The following MAD1L1 variants were observed in gnomAD, a reference collection of about 807,000 sequenced individuals.
MAD1L1 encodes the protein mitotic spindle assembly checkpoint protein MAD1.
MAD1L1 carries 95 observed loss-of-function variants against 96.9 expected under a neutral mutation model. The ratio of observed to expected loss-of-function variants is 0.98; its 90% CI spans 0.83 to 1.16. MAD1L1 has a LOEUF of 1.16. Ranked by LOEUF, MAD1L1 falls within the 50% of genes most tolerant of loss-of-function variation. The pLI is 0.00. For missense variants in MAD1L1, 1,007 were observed against 954.4 expected, an observed-to-expected ratio of 1.06 and a Z score of -0.73; for synonymous variants, 473 against 396.6, an observed-to-expected ratio of 1.19 and a Z score of -2.29.
At chr7:1,938,901 GCGCACA>G (rs1273681572) in intron 16 of MAD1L1, among the ~76,000 whole-genome samples, 32 of 61,316 alleles carry the variant, frequency 5.2e-4, no homozygotes, top group Non-Finnish European at 7.3e-4. Context: ...GGCCAGAGGC[GCGCACA>G]CACACACACA....
At chr7:2,204,172 C>T (rs1792464042) in intron 10 of MAD1L1, among the ~76,000 whole-genome samples, 2 of 152,194 alleles carry the variant, frequency 1.3e-5, no homozygotes, top group Non-Finnish European at 2.9e-5. Context: ...TGGCCGTAGG[C>T]CTTCCATAAA....
rs749256527 is a variant in MAD1L1, at chr7:1,898,294, G to A, written c.1904C>T (p.Thr635Met). 12 of 1,614,004 alleles carry A rather than the reference G, an allele frequency of 7.4e-6. No individual in the cohort carries two copies. In the African/African-American group the frequency reaches 8.0e-5, roughly 11 times the overall value. ...KIQEFRKACY[T>M]LTGYQIDITT... ...GATGTCGATCTGGTAGCCGGTGAGC[G>A]TGTAGCAGGCCTTGCGGAACTCCTG... Residue 635 changes from threonine (T) to methionine (M), a missense_variant, in exon 18 of 19, where the codon ACG becomes ATG. By Grantham distance (81) the Thr-to-Met change is moderately conservative (BLOSUM62 -1). Transcript: ENST00000265854.
intron 12 of MAD1L1, among the ~76,000 whole-genome samples, chr7:2,051,545 A>G (rs1027945655): frequency 4.6e-5 from 7 of 152,118 alleles, no homozygotes; most frequent in African/African-American, 1.7e-4. Context: ...ACTCACACTT[A>G]ATGCAGAAAA....
chr7:2,014,079 A>T (rs538254266), intron 13 of MAD1L1, among the ~76,000 whole-genome samples: 2 of 152,152 alleles, frequency 1.3e-5, no homozygotes, highest in East Asian at 3.9e-4. Context: ...CCTGCCCGTC[A>T]GGCCCCAGCA....
At chr7:2,051,134 G>A (rs753364889) in intron 12 of MAD1L1, among the ~76,000 whole-genome samples, 3 of 152,234 alleles carry the variant, frequency 2.0e-5, no homozygotes, top group Non-Finnish European at 4.4e-5. Flanking sequence ...TGGGTAGGCA[G>A]GACAAGGTTC....
At position 1,968,125 on chromosome 7, in the gene MAD1L1, G is replaced by A. The variant is rs190219264; in HGVS notation, c.1506-10406C>T. On this transcript the variant is annotated intron_variant, in intron 15 of 18. Transcript: ENST00000265854. This position sits in a 1 kb window ranked among gnomAD's most constrained non-coding sequence, Gnocchi z 5.6. Reference sequence around the variant, plus strand: ...GGGGAGCGTCGCCTGTGCCCTGAGGGATTCGCTTCCAAGGAAGAGACTGGA... The same window carrying A: ...GGGGAGCGTCGCCTGTGCCCTGAGGAATTCGCTTCCAAGGAAGAGACTGGA... 6.6e-6 allele frequency among the ~76,000 whole-genome samples: 1 copy of A among 152,352 alleles called. No individual in the cohort carries two copies. Among genetic ancestry groups the A allele is most frequent in the African/African-American group, 2.4e-5 (1 of 41,584 alleles).
chr7:2,082,359 A>C (rs1013764877), intron 11 of MAD1L1, among the ~76,000 whole-genome samples: 3 of 152,020 alleles, frequency 2.0e-5, no homozygotes, highest in African/African-American at 7.2e-5. Context: ...GAGAGACAGG[A>C]GGGAAGGAGC....
chr7:2,022,286 T>C (rs1274400034), intron 12 of MAD1L1, among the ~76,000 whole-genome samples: 1 of 152,226 alleles, frequency 6.6e-6, no homozygotes, highest in South Asian at 2.1e-4. Flanking sequence ...GCCTGTGACC[T>C]GGTCAAAGGC....
chr7:2,133,738 G>T (rs1288331662), intron 11 of MAD1L1, among the ~76,000 whole-genome samples: 3 of 152,230 alleles, frequency 2.0e-5, no homozygotes, highest in Admixed American at 6.5e-5. Context: ...TGTAAGGTCT[G>T]TGTCTAGATT....
At chr7:2,003,350 G>A (rs1204329935) in intron 13 of MAD1L1, among the ~76,000 whole-genome samples, 1 of 152,124 alleles carries the variant, frequency 6.6e-6, no homozygotes, top group Non-Finnish European at 1.5e-5. Flanking sequence ...TATGTTTGGA[G>A]ACACAGAAAA....
At chr7:2,151,812 G>T (rs1789585339) in intron 10 of MAD1L1, among the ~76,000 whole-genome samples, 3 of 152,174 alleles carry the variant, frequency 2.0e-5, no homozygotes, top group African/African-American at 7.2e-5. Flanking sequence ...CTGAAGTGCT[G>T]GGCGCCCACA....
At chr7:1,822,447 T>A (rs866165066) in intron 18 of MAD1L1, among the ~76,000 whole-genome samples, 20,633 of 146,906 alleles carry the variant, frequency 0.14, 1,886 homozygotes, top group South Asian at 0.24. Context: ...TATATATTTT[T>A]TTTTTTTTTT....
intron 15 of MAD1L1, among the ~76,000 whole-genome samples, chr7:1,966,734 G>A (rs1277159161): frequency 6.6e-6 from 1 of 152,216 alleles, no homozygotes; most frequent in Non-Finnish European, 1.5e-5. Flanking sequence ...AAAGGGAACA[G>A]CGATTCGAGC....
At chr7:1,875,563 C>T (rs1785342757) in intron 18 of MAD1L1, among the ~76,000 whole-genome samples, 2 of 152,176 alleles carry the variant, frequency 1.3e-5, no homozygotes, top group African/African-American at 2.4e-5. Flanking sequence ...TGGAACACAG[C>T]AGGTGGCCCA....
In MAD1L1 at chr7:2,088,534, C is replaced by T. The variant is rs567962412; in HGVS notation, c.1074-19196G>A. On this transcript the variant is annotated intron_variant, in intron 11 of 18. Coordinates refer to ENST00000265854, the MANE Select transcript of MAD1L1 (RefSeq NM_001013836.2). This position sits in a 1 kb window ranked among gnomAD's most constrained non-coding sequence, Gnocchi z 4.4. ...CACCATGACAGCTCTGGAGCTGCCA[C>T]TGCACGTGCACATCCATCTCCCTGG... is the stretch of plus-strand genomic sequence containing the variant. Among the ~76,000 whole-genome samples the T allele has an allele frequency of 6.6e-6, 1 of 152,356 alleles. No individual in the cohort carries two copies. Among genetic ancestry groups the T allele is most frequent in the South Asian group, 2.1e-4 (1 of 4,828 alleles).
chr7:1,870,731 C>T lies in MAD1L1; in HGVS notation c.1998+27469G>A, dbSNP rs554058600. On this transcript the variant is annotated intron_variant, in intron 18 of 18. Transcript: ENST00000265854. Reference sequence around the variant, plus strand: ...TGCCACACTGAACCCACCGTAACACCTGCCACGCTGAACCCAACATATGCC... The same window carrying T: ...TGCCACACTGAACCCACCGTAACACTTGCCACGCTGAACCCAACATATGCC... Among the ~76,000 whole-genome samples the T allele has an allele frequency of 3.6e-4, 53 of 145,598 alleles. 1 individual carries two copies. Among genetic ancestry groups the T allele is most frequent in the Admixed American group, 3.1e-3 (45 of 14,626 alleles).
chr7:1,850,212 TGG>T (rs1285841772), intron 18 of MAD1L1, among the ~76,000 whole-genome samples: 7 of 152,138 alleles, frequency 4.6e-5, no homozygotes, highest in Non-Finnish European at 8.8e-5. Flanking sequence ...CCTCCCCTTC[TGG>T]GGCAACAGGA....
intron 11 of MAD1L1, among the ~76,000 whole-genome samples, chr7:2,138,810 G>A (rs1788882626): frequency 6.6e-6 from 1 of 152,142 alleles, no homozygotes; most frequent in South Asian, 2.1e-4. Context: ...CAAGTGAGCA[G>A]GACCCAGTGA....
chr7:2,097,060 C>T (rs1272619279), intron 11 of MAD1L1, among the ~76,000 whole-genome samples: 1 of 152,186 alleles, frequency 6.6e-6, no homozygotes, highest in Non-Finnish European at 1.5e-5. Context: ...GTATCCCCCA[C>T]ACCAGCTGCA....
Sources: gnomAD v4.1 joint callset for allele counts (sites outside exome capture counted in the v4.1 genomes callset) on GRCh38, gnomAD v4.1.1 for gene constraint, Gnocchi (gnomAD v3.1) non-coding constraint, MANE v1.5 for transcripts, NCBI Gene and HGNC (gene_info 2026-07-23, HGNC 2026-07-21) for gene names.